Variants in ZBTB41 observed in about 807,000 individuals in gnomAD.
ZBTB41 encodes zinc finger and BTB domain containing 41, also known as zinc finger and BTB domain-containing protein 41.
In ZBTB41, 42 loss-of-function variants were observed where a neutral mutation model predicts 87.6. The ratio of observed to expected loss-of-function variants is 0.48; its 90% CI spans 0.37 to 0.62. The LOEUF is 0.62. ZBTB41 is among the 20% of genes least tolerant of loss of function. ZBTB41 has a pLI of 0.00. For missense variants in ZBTB41, 799 were observed against 1,078.9 expected (o/e 0.74, Z 3.63); for synonymous variants, 364 against 364.0 (o/e 1.00, Z 0.00).
chr1:197,159,112 C>G lies in ZBTB41; in HGVS notation c.*247G>C. The G allele has an allele frequency of 2.6e-6, 1 of 389,420 alleles. No individual in the cohort carries two copies. Among genetic ancestry groups the G allele is most frequent in the East Asian group, 4.6e-5 (1 of 21,844 alleles). The allele number at this position is 389,420 out of a possible 1,614,324, so 24.1% of individuals were successfully genotyped here. ...AATAATTGCAAAAAATTTAAGAAAC[C>G]ATTAAAAGTTAGCACTAAATAATCT... On this transcript the variant is annotated 3_prime_UTR_variant, in exon 11 of 11. Transcript: ENST00000367405.
At chr1:197,197,508 G>A (rs1430433753) in intron 2 of ZBTB41, among the ~76,000 whole-genome samples, 1 of 146,260 alleles carries the variant, frequency 6.8e-6, no homozygotes, top group Non-Finnish European at 1.5e-5. Flanking sequence ...CAATTATCTG[G>A]GCTGAACTTG....
chr1:197,199,035 C>A (rs1220311774), intron 2 of ZBTB41, among the ~76,000 whole-genome samples: 1 of 152,086 alleles, frequency 6.6e-6, no homozygotes, highest in Non-Finnish European at 1.5e-5. Context: ...GTATTTATCA[C>A]TGGAATTAAA....
At chr1:197,184,810 T>TTATTTATG (rs1659841298) in intron 5 of ZBTB41, among the ~76,000 whole-genome samples, 2 of 151,252 alleles carry the variant, frequency 1.3e-5, no homozygotes, top group African/African-American at 4.8e-5. Context: ...ATTTATTTAT[T>TTATTTATG]TATTTATTTA....
intron 9 of ZBTB41, among the ~76,000 whole-genome samples, chr1:197,174,070 C>T (rs1013128170): frequency 2.0e-5 from 3 of 152,120 alleles, no homozygotes; most frequent in African/African-American, 7.2e-5. Context: ...GTACAAAACA[C>T]TTTAACTTCC....
chr1:197,168,087 TAAAC>T (rs752107745), intron 10 of ZBTB41, among the ~76,000 whole-genome samples: 6 of 151,820 alleles, frequency 4.0e-5, no homozygotes, highest in Non-Finnish European at 2.9e-5. Flanking sequence ...AAAAAGTCAA[TAAAC>T]AAACTCAATT....
rs1557991162 is a variant in ZBTB41 at position 197,200,355 on chromosome 1, G to A, written c.119C>T (p.Ala40Val). The A allele has an allele frequency of 6.2e-7, 1 of 1,614,176 alleles. No homozygotes were observed. The change falls in exon 2 of 11, where the codon GCA becomes GTA. Residue 40 changes from alanine to valine, a missense_variant. Ala to Val is a moderately conservative substitution (Grantham distance 64). This residue lies in a region of ZBTB41 where 77 missense variants were observed against 68.4 expected (regional missense o/e 1.13). Transcript: ENST00000367405. ...ECDQVTYTHSAGRPTPEALHC... is the reference protein window; with the variant it reads ...ECDQVTYTHSVGRPTPEALHC... ...AAGAGCTTCAGGAGTTGGTCTTCCT[G>A]CAGAATGAGTATAGGTCACTTGGTC...
chr1:197,163,980 C>A (rs1659258225), intron 10 of ZBTB41, among the ~76,000 whole-genome samples: 1 of 151,888 alleles, frequency 6.6e-6, no homozygotes, highest in African/African-American at 2.4e-5. Flanking sequence ...AGGAAAATGA[C>A]TCCAGGTGGA....
intron 7 of ZBTB41, among the ~76,000 whole-genome samples, 169 bp downstream of exon 7, chr1:197,178,243 AAAGAT>A (rs1324576061): frequency 3.3e-5 from 5 of 151,978 alleles, no homozygotes; most frequent in Non-Finnish European, 7.4e-5. Context: ...ACCACAGAAT[AAAGAT>A]AATAAAATGT....
rs948857983 is a variant in ZBTB41 at position 197,153,839 on chromosome 1, TCA to T, written c.*5518_*5519del. ...CAGACAACCAAAGTATGTATAAAACTCACAAGATATTTTACACACAGTTCACA... is the reference window on the plus strand; with the variant it reads ...CAGACAACCAAAGTATGTATAAAACTCAAGATATTTTACACACAGTTCACA... On this transcript the variant is annotated 3_prime_UTR_variant, in exon 11 of 11. Transcript: ENST00000367405. 3.9e-5 allele frequency: 6 copies of T among 152,186 alleles called. No homozygotes were observed. Among genetic ancestry groups the T allele is most frequent in the Non-Finnish European group, 7.4e-5 (5 of 68,006 alleles). 9.4% of individuals were successfully genotyped at this position (152,186 alleles called of 1,614,324 possible).
intron 5 of ZBTB41, among the ~76,000 whole-genome samples, chr1:197,187,102 G>T (rs910481327): frequency 4.7e-4 from 71 of 152,108 alleles, no homozygotes; most frequent in Non-Finnish European, 8.8e-5. Context: ...CATTCTCATG[G>T]GAATGTAAAA....
chr1:197,200,532 G>A lies in ZBTB41; in HGVS notation c.-59C>T. The A allele has an allele frequency of 6.8e-7, 1 of 1,480,480 alleles. No homozygotes were observed. The highest frequency in any genetic ancestry group is 9.0e-7 in the Non-Finnish European group (1 of 1,113,988). The allele number at this position is 1,480,480 out of a possible 1,614,324, so 91.7% of individuals were successfully genotyped here. A position where few individuals can be genotyped will look rare whatever the true frequency, so the allele number is the denominator to read the frequency against. On this transcript the variant is annotated 5_prime_UTR_variant, in exon 2 of 11. Transcript: ENST00000367405. ...TAAGTGTCTTAAGTGATTTATAAAG[G>A]AAAACTAGATTGTCTTGGATAACAG...
intron 6 of ZBTB41, 73 bp downstream of exon 6, chr1:197,180,915 T>C: frequency 6.7e-7 from 1 of 1,487,292 alleles, no homozygotes; most frequent in Non-Finnish European, 9.0e-7. Context: ...CCCTAATTCC[T>C]ATAAATCATA....
chr1:197,183,552 G>T (rs1045931380), intron 5 of ZBTB41, among the ~76,000 whole-genome samples: 1 of 152,254 alleles, frequency 6.6e-6, no homozygotes, highest in South Asian at 2.1e-4. Context: ...CTAATCAGTT[G>T]TAAAATATTT....
intron 10 of ZBTB41, among the ~76,000 whole-genome samples, chr1:197,168,491 A>G (rs1358664829): frequency 6.6e-6 from 1 of 152,158 alleles, no homozygotes; most frequent in East Asian, 1.9e-4. Flanking sequence ...CTTAATTTAC[A>G]ACAATATGCC....
intron 5 of ZBTB41, among the ~76,000 whole-genome samples, chr1:197,183,195 G>A (rs573712225): frequency 2.6e-5 from 4 of 152,138 alleles, no homozygotes; most frequent in African/African-American, 7.2e-5. Flanking sequence ...CAAAGGTCTT[G>A]GAAAGACTGA....
chr1:197,167,306 C>T lies in ZBTB41; in HGVS notation c.2074+4854G>A, dbSNP rs372970650. 5.3e-5 allele frequency among the ~76,000 whole-genome samples: 8 copies of T among 152,230 alleles called. No individual in the cohort carries two copies. In the East Asian group the frequency reaches 7.7e-4, roughly 15 times the overall value. On this transcript the variant is annotated intron_variant, in intron 10 of 10. Coordinates refer to ENST00000367405, the MANE Select transcript of ZBTB41 (RefSeq NM_194314.3). ...AATTTCCCCGGCTAGGTGATCCTCC[C>T]GCCTCTGCCTTTAGAGTAGCTCAGA...
intron 3 of ZBTB41, 74 bp downstream of exon 3, chr1:197,191,618 G>T: frequency 8.2e-7 from 1 of 1,213,466 alleles, no homozygotes; most frequent in Non-Finnish European, 1.1e-6. Context: ...GCACTTTATA[G>T]ATGTTTTTAG....
At chr1:197,175,247 A>G in intron 8 of ZBTB41, 132 bp from the exon 9 acceptor site, 2 of 675,318 alleles carry the variant, frequency 3.0e-6, no homozygotes, top group South Asian at 2.4e-5. Flanking sequence ...TTTATTCTGC[A>G]CTATTTGCTT....
Position 197,200,548 on chromosome 1 carries a change from T to C in ZBTB41, c.-75A>G. ...TTTATAAAGGAAAACTAGATTGTCT[T>C]GGATAACAGCTTCTGAAGGGGCGTG... is the stretch of plus-strand genomic sequence containing the variant. On this transcript the variant is annotated 5_prime_UTR_variant, in exon 2 of 11. Coordinates refer to ENST00000367405, the MANE Select transcript of ZBTB41 (RefSeq NM_194314.3). 2 of 1,427,256 alleles carry C rather than the reference T, an allele frequency of 1.4e-6. No homozygotes were observed. Among genetic ancestry groups the C allele is most frequent in the Non-Finnish European group, 1.9e-6 (2 of 1,073,258 alleles). The allele number at this position is 1,427,256 out of a possible 1,614,324, so 88.4% of individuals were successfully genotyped here.
Sources: gnomAD v4.1 joint callset for allele counts (sites outside exome capture counted in the v4.1 genomes callset) on GRCh38, gnomAD v4.1.1 for gene constraint, gnomAD v4.1.1 regional missense constraint, MANE v1.5 for transcripts, NCBI Gene and HGNC (gene_info 2026-07-23, HGNC 2026-07-21) for gene names.